The following GSDMB variants were observed in gnomAD, a reference collection of about 807,000 sequenced individuals.
The protein encoded by GSDMB is gasdermin B, also known as gasdermin-B.
In GSDMB, 32 loss-of-function variants were observed where a neutral mutation model predicts 42.9. The ratio of observed to expected loss-of-function variants is 0.75; its 90% CI spans 0.56 to 1.00. The LOEUF is 1.00. Among genes scored for constraint, GSDMB ranks in the 50% least tolerant of loss-of-function variants. The pLI, the probability that GSDMB is intolerant of heterozygous loss-of-function variation, is 0.00. For missense variants in GSDMB, 468 were observed against 498.5 expected (o/e 0.94, Z 0.58); for synonymous variants, 175 against 193.7 (o/e 0.90, Z 0.80).
intron 3 of GSDMB, among the ~76,000 whole-genome samples, 174 bp from the exon 4 acceptor site, chr17:39,910,098 G>C (rs1027135876): frequency 4.1e-4 from 62 of 152,136 alleles, no homozygotes; most frequent in African/African-American, 1.5e-3. Flanking sequence ...GGTGGAGGTA[G>C]GGGTGGGGTA....
rs2063627222 is a variant in GSDMB, at chr17:39,912,364, G to T, written c.369C>A (p.Asn123Lys). The change falls in exon 3 of 11, where the codon AAC becomes AAA. Residue 123 changes from asparagine (N) to lysine (K), a missense_variant. Transcript: ENST00000418519. The part of the protein sequence containing the change: ...FHHQKIKISE[N>K]RISQQYLATL... ...TAGCCAGATACTGCTGGGATATCCG[G>T]TTCTCCGATATCTTGATTTTCTGAT... is the stretch of plus-strand genomic sequence containing the variant. 6.2e-7 allele frequency: 1 copy of T among 1,613,792 alleles called. No individual in the cohort carries two copies. Among genetic ancestry groups the T allele is most frequent in the Non-Finnish European group, 8.5e-7 (1 of 1,179,832 alleles).
At chr17:39,912,600 T>TCC in intron 2 of GSDMB, 103 bp from the exon 3 acceptor site, 1 of 831,214 alleles carries the variant, frequency 1.2e-6, no homozygotes. Context: ...CGTGCCACCA[T>TCC]CCCCCTCCCT....
In GSDMB at chr17:39,907,239, G is replaced by A. The variant is rs2063521397; in HGVS notation, c.701-252C>T. The A allele has an allele frequency of 3.0e-6, 4 of 1,316,438 alleles. No homozygotes were observed. In the Admixed American group the frequency reaches 9.9e-5, roughly 33 times the overall value. The allele number at this position is 1,316,438 out of a possible 1,614,324, so 81.5% of individuals were successfully genotyped here. ...AGGAAGAAGCCAAGGCCCAGAAAGG[G>A]GGCAGCATACACTCAGTCGCTCCGC... On this transcript the variant is annotated intron_variant, in intron 6 of 10. Transcript: ENST00000418519.
intron 7 of GSDMB, 56 bp downstream of exon 7, chr17:39,906,905 T>C (rs1309188103): frequency 9.9e-6 from 16 of 1,612,572 alleles, no homozygotes; most frequent in Admixed American, 1.7e-5. Flanking sequence ...TTGAGCCACA[T>C]GGACTCAGGG....
intron 4 of GSDMB, chr17:39,909,455 G>C: frequency 2.5e-6 from 1 of 394,582 alleles, no homozygotes; most frequent in Non-Finnish European, 4.6e-6. Flanking sequence ...CCAGCACTTT[G>C]GGAGGCCGAG....
chr17:39,905,446 G>A lies in GSDMB; in HGVS notation c.1078C>T (p.Leu360Phe). The A allele has an allele frequency of 3.1e-6, 5 of 1,607,852 alleles. No homozygotes were observed. The highest frequency in any genetic ancestry group is 4.2e-6 in the Non-Finnish European group (5 of 1,177,060). ...CTCACCTGGTCCTTCAACAGAGGAA[G>A]GGTCCCCTTCTCCAGGGCCTCAGCC... is the stretch of plus-strand genomic sequence containing the variant. ...FVAEALEKGT[L>F]PLLKDQVKSV... The change falls in exon 10 of 11, where the codon CTT becomes TTT. Residue 360 changes from leucine to phenylalanine, a missense_variant. Physicochemically the swap from Leu to Phe is conservative, Grantham distance 22. Coordinates refer to ENST00000418519, the MANE Select transcript of GSDMB (RefSeq NM_001165958.2).
intron 1 of GSDMB, chr17:39,917,691 A>G (rs887727889): frequency 7.7e-5 from 21 of 274,296 alleles, no homozygotes; most frequent in Non-Finnish European, 1.4e-4. Context: ...AGCCTATCCC[A>G]AACATATAAG....
chr17:39,908,324 C>CAAT (rs2063543299), intron 5 of GSDMB, 110 bp from the exon 6 acceptor site: 1 of 235,914 alleles, frequency 4.2e-6, no homozygotes, highest in African/African-American at 3.0e-5. Flanking sequence ...AGCCTCCAAT[C>CAAT]AAAAAAAAAA....
rs2063730867 is a variant in GSDMB at position 39,917,302 on chromosome 17, A to G, written c.15T>C (p.Phe5=). MFSV[F]EEITRIVVKE... is the part of the protein sequence containing the mutation. ...TAACTACAATTCTTGTGATTTCCTC[A>G]AATACGCTGAACATTGCGCCTGGAC... Residue 5 remains phenylalanine (F), a synonymous_variant, in exon 2 of 11, where the codon TTT becomes TTC. Coordinates refer to ENST00000418519, the MANE Select transcript of GSDMB (RefSeq NM_001165958.2). The G allele has an allele frequency of 1.9e-6, 3 of 1,610,504 alleles. No individual in the cohort carries two copies. Among genetic ancestry groups the G allele is most frequent in the Non-Finnish European group, 2.5e-6 (3 of 1,176,822 alleles).
At chr17:39,906,626 G>C in intron 7 of GSDMB, 3 of 1,302,636 alleles carry the variant, frequency 2.3e-6, no homozygotes, top group Non-Finnish European at 2.9e-6. Flanking sequence ...TAAAGCAGTG[G>C]TTCTCAACCT....
chr17:39,906,311 A>G, intron 7 of GSDMB, 40 bp from the exon 8 acceptor site: 1 of 1,600,026 alleles, frequency 6.2e-7, no homozygotes, highest in East Asian at 2.2e-5. Context: ...CACCCAGCCC[A>G]AAAGGTTTTA....
intron 2 of GSDMB, among the ~76,000 whole-genome samples, 159 bp downstream of exon 2, chr17:39,916,923 C>CA (rs2063721337): frequency 6.6e-6 from 1 of 152,228 alleles, no homozygotes; most frequent in Admixed American, 6.5e-5. Context: ...TCCCACCATG[C>CA]AGCTCTTCCG....
chr17:39,905,633 C>T, intron 9 of GSDMB, 137 bp from the exon 10 acceptor site: 1 of 890,372 alleles, frequency 1.1e-6, no homozygotes, highest in African/African-American at 1.7e-5. Flanking sequence ...TTACTCCAAA[C>T]AGGCCTCTGC....
rs1227647735 is a variant in GSDMB at position 39,912,360 on chromosome 17, T to A, written c.373A>T (p.Ile125Leu). The change falls in exon 3 of 11, where the codon ATA becomes TTA. Residue 125 changes from isoleucine to leucine, a missense_variant. Ile to Leu is a conservative substitution (Grantham distance 5, BLOSUM62 2). Transcript: ENST00000418519. ...AGGGTAGCCAGATACTGCTGGGATA[T>A]CCGGTTCTCCGATATCTTGATTTTC... Reference protein sequence around the residue: ...HQKIKISENRISQQYLATLEN... With the variant: ...HQKIKISENRLSQQYLATLEN... 9 of 1,614,114 alleles carry A rather than the reference T, an allele frequency of 5.6e-6. No individual in the cohort carries two copies. The South Asian group carries it at 8.8e-5, about 16-fold the overall frequency.
chr17:39,905,107 G>A, intron 10 of GSDMB, 143 bp from the exon 11 acceptor site: 1 of 722,862 alleles, frequency 1.4e-6, no homozygotes, highest in Non-Finnish European at 2.4e-6. Flanking sequence ...AGCCCGGAGA[G>A]CTTCATACTC....
chr17:39,912,915 G>A (rs1016930240), intron 2 of GSDMB, among the ~76,000 whole-genome samples: 2 of 152,200 alleles, frequency 1.3e-5, no homozygotes, highest in East Asian at 3.9e-4. Flanking sequence ...AGACCAGCCT[G>A]GCCAATATGG....
rs760920061 is a variant in GSDMB at position 39,906,288 on chromosome 17, T to C, written c.728-17A>G. The C allele has an allele frequency of 1.9e-6, 3 of 1,613,306 alleles. No individual in the cohort carries two copies. The highest frequency in any genetic ancestry group is 3.3e-5 in the Admixed American group (2 of 59,882). On this transcript the variant is annotated splice_polypyrimidine_tract_variant and intron_variant, in intron 7 of 10. Transcript: ENST00000418519. ...AAGACTTTCCTGTAGAGGCAGCAAT[T>C]GAGAACCTGGGCCACCCAGCCCAAA...
In GSDMB at chr17:39,905,902, C is replaced by G. The variant is rs764528555; in HGVS notation, c.972G>C (p.Gly324=). Reference sequence around the variant, plus strand: ...CTTTTGCACGCGCTTCTACCAAGACCCCAGCAGCATTAAAAAGGCTGCTTA... The same window carrying G: ...CTTTTGCACGCGCTTCTACCAAGACGCCAGCAGCATTAAAAAGGCTGCTTA... ...PLLSSLFNAA[G]VLVEARAKAI... Residue 324 remains glycine (G), a synonymous_variant, in exon 9 of 11, where the codon GGG becomes GGC. Coordinates refer to ENST00000418519, the MANE Select transcript of GSDMB (RefSeq NM_001165958.2). The G allele has an allele frequency of 6.2e-7, 1 of 1,614,128 alleles. No homozygotes were observed. Among genetic ancestry groups the G allele is most frequent in the Non-Finnish European group, 8.5e-7 (1 of 1,180,002 alleles).
intron 4 of GSDMB, 188 bp downstream of exon 4, chr17:39,909,568 G>C: frequency 1.8e-6 from 1 of 568,062 alleles, no homozygotes; most frequent in Non-Finnish European, 3.1e-6. Context: ...AATGAAAAGA[G>C]GGCACCGCTA....
Sources: allele counts gnomAD v4.1 joint callset (sites outside exome capture counted in the v4.1 genomes callset), GRCh38; gene constraint gnomAD v4.1.1; transcripts MANE v1.5; gene names NCBI Gene and HGNC (gene_info 2026-07-23, HGNC 2026-07-21).